Variants in LPAR6 observed in about 807,000 individuals in gnomAD.
LPAR6 encodes the protein G-protein coupled purinergic receptor P2Y5.
A neutral mutation model predicts 22.0 loss-of-function variants in LPAR6; 17 were observed. The observed-to-expected ratio is 0.77, with a 90% CI of 0.53 to 1.16. The LOEUF is 1.16. Ranked by LOEUF, LPAR6 falls within the 50% of genes most tolerant of loss-of-function variation. LPAR6 has a pLI of 0.00. For synonymous variants in LPAR6, 136 were observed against 139.8 expected, an observed-to-expected ratio of 0.97 and a Z score of 0.19; for missense variants, 384 against 406.9, an observed-to-expected ratio of 0.94 and a Z score of 0.48.
At chr13:48,426,769 ATGT>A (rs1949085411) in intron 1 of LPAR6, 1 of 151,916 alleles carries the variant, frequency 6.6e-6, no homozygotes, top group African/African-American at 2.4e-5. Context: ...TTTCTTACTG[ATGT>A]TGTGCTAGTT....
rs555293635 is a variant in LPAR6 at position 48,424,884 on chromosome 13, C to T, written c.-1095+1975G>A. 7.9e-5 allele frequency among the ~76,000 whole-genome samples: 12 copies of T among 152,082 alleles called. 1 individual carries two copies. In the South Asian group the frequency reaches 2.1e-3, roughly 26 times the overall value. On this transcript the variant is annotated intron_variant, in intron 1 of 4. Transcript: ENST00000345941. ...CCTGGCCAACATGGTGAAACTCTGT[C>T]TCTACTAAAAATACAAAATGTTATC...
chr13:48,426,522 C>A (rs1490755165), intron 1 of LPAR6: 1 of 152,178 alleles, frequency 6.6e-6, no homozygotes, highest in Non-Finnish European at 1.5e-5. Flanking sequence ...GTCTTAATAT[C>A]CTCTAATGTT....
chr13:48,421,955 G>A (rs1401577829), intron 2 of LPAR6, among the ~76,000 whole-genome samples: 2 of 152,176 alleles, frequency 1.3e-5, no homozygotes, highest in Non-Finnish European at 2.9e-5. Context: ...GGAAGACAGT[G>A]TGGCGATTCC....
exon 2 of LPAR6, chr13:48,389,774 C>G (rs1204461849): frequency 6.6e-6 from 1 of 152,220 alleles, no homozygotes; most frequent in Non-Finnish European, 1.5e-5. Flanking sequence ...CATCCTCCCT[C>G]CCTAGAGTGG....
At chr13:48,396,693 C>G (rs1269731361) in intron 1 of LPAR6, among the ~76,000 whole-genome samples, 1 of 152,180 alleles carries the variant, frequency 6.6e-6, no homozygotes, top group Non-Finnish European at 1.5e-5. Context: ...AAGAAACTAT[C>G]TTCAGAGTGA....
At chr13:48,439,478 T>TA (rs1157592429) in intron 1 of LPAR6, 1 of 152,170 alleles carries the variant, frequency 6.6e-6, no homozygotes, top group African/African-American at 2.4e-5. Flanking sequence ...TTACGGTTGT[T>TA]AATCTTCCTT....
At chr13:48,423,203 T>C (rs1267731275) in intron 1 of LPAR6, among the ~76,000 whole-genome samples, 1 of 152,200 alleles carries the variant, frequency 6.6e-6, no homozygotes, top group African/African-American at 2.4e-5. Context: ...TTTTTAAAAT[T>C]TAATGACATC....
At chr13:48,438,005 T>C (rs55816660) in intron 1 of LPAR6, among the ~76,000 whole-genome samples, 1,873 of 152,312 alleles carry the variant, frequency 0.012, 32 homozygotes, top group African/African-American at 0.042. Context: ...GGCTGCATCA[T>C]ATGTCAATAT....
In LPAR6 at chr13:48,412,096, T is replaced by TA. The variant is rs780539841; in HGVS notation, c.327dup (p.Ile110TyrfsTer2). 10 of 1,613,304 alleles carry TA rather than the reference T, an allele frequency of 6.2e-6. No individual in the cohort carries two copies. The highest frequency in any genetic ancestry group is 6.8e-6 in the Non-Finnish European group (8 of 1,179,664). Reference sequence around the variant, plus strand: ...ATTGCCAGAAATCGATCTACACTAATACAGGTTAAGAACAGAATGCTTCCG... The same window carrying TA: ...ATTGCCAGAAATCGATCTACACTAATAACAGGTTAAGAACAGAATGCTTCCG... On this transcript the variant is annotated frameshift_variant, in exon 1 of 1. Coordinates refer to ENST00000620633, the MANE Select transcript of LPAR6 (RefSeq NM_001162498.3). LOFTEE classifies it high-confidence loss of function.
intron 1 of LPAR6, chr13:48,389,827 T>C (rs542999241): frequency 6.6e-6 from 1 of 152,308 alleles, no homozygotes; most frequent in African/African-American, 2.4e-5. Flanking sequence ...AGAGAGAAGA[T>C]AGGAGATTCA....
chr13:48,412,116 C>T lies in LPAR6; in HGVS notation c.308G>A (p.Ser103Asn). ...ACTAATACAGGTTAAGAACAGAATG[C>T]TTCCGTACATGTTGGTATAAAACAG... ...VMLFYTNMYG[S>N]ILFLTCISVD... is the part of the protein sequence containing the mutation. The change falls in exon 1 of 1, where the codon AGC (serine) becomes AAC (asparagine). Residue 103 changes from serine to asparagine, a missense_variant. Coordinates refer to ENST00000620633, the MANE Select transcript of LPAR6 (RefSeq NM_001162498.3). The T allele has an allele frequency of 1.2e-6, 2 of 1,613,538 alleles. No individual in the cohort carries two copies. Among genetic ancestry groups the T allele is most frequent in the Non-Finnish European group, 1.7e-6 (2 of 1,179,796 alleles).
intron 1 of LPAR6, among the ~76,000 whole-genome samples, chr13:48,437,720 A>G (rs1949198694): frequency 6.6e-6 from 1 of 152,188 alleles, no homozygotes; most frequent in Non-Finnish European, 1.5e-5. Flanking sequence ...GAGATCCTAG[A>G]GAGGGAGAGA....
At chr13:48,392,981 A>G (rs147920295) in intron 1 of LPAR6, among the ~76,000 whole-genome samples, 1 of 152,024 alleles carries the variant, frequency 6.6e-6, no homozygotes, top group Non-Finnish European at 1.5e-5. Flanking sequence ...TTGTTTTTGG[A>G]CACAGAGCAG....
chr13:48,430,310 T>A (rs1486524878), upstream of LPAR6, among the ~76,000 whole-genome samples: 1 of 151,984 alleles, frequency 6.6e-6, no homozygotes, highest in African/African-American at 2.4e-5. Context: ...GGATAGCAAT[T>A]TGAAAAAAAG....
At position 48,411,782 on chromosome 13, in the gene LPAR6, A is replaced by G. The variant is rs1060587; in HGVS notation, c.642T>C (p.Pro214=). 6.2e-7 allele frequency: 1 copy of G among 1,611,478 alleles called. No homozygotes were observed. The highest frequency in any genetic ancestry group is 1.1e-5 in the South Asian group (1 of 90,994). The change falls in exon 1 of 1, where the codon CCT becomes CCC. Residue 214 remains proline, a synonymous_variant. Transcript: ENST00000620633. ...TTATTTTGCTTCTACTTAATGTAAC[A>G]GGTTTGGTTAAAGTTTTTAGCACCA... ...SSMVLKTLTK[P]VTLSRSKINK...
chr13:48,440,420 T>C (rs539700373), intron 1 of LPAR6, among the ~76,000 whole-genome samples: 2 of 152,308 alleles, frequency 1.3e-5, no homozygotes, highest in African/African-American at 4.8e-5. Flanking sequence ...TTGGGCCCTG[T>C]TAATTTTCAT....
chr13:48,408,718 A>G (rs1410996853), downstream of LPAR6: 1 of 152,136 alleles, frequency 6.6e-6, no homozygotes, highest in Admixed American at 6.5e-5. Context: ...GTTATCTGTT[A>G]TGTATTGCTT....
intron 2 of LPAR6, among the ~76,000 whole-genome samples, chr13:48,421,893 A>G (rs1364239692): frequency 1.3e-5 from 2 of 152,238 alleles, no homozygotes; most frequent in African/African-American, 4.8e-5. Context: ...GATGTGGAGA[A>G]TAGGAATGCT....
At chr13:48,444,141 C>T (rs1029081552) in intron 1 of LPAR6, among the ~76,000 whole-genome samples, 3 of 152,120 alleles carry the variant, frequency 2.0e-5, no homozygotes, top group African/African-American at 7.2e-5. Flanking sequence ...CCTAGGCCTC[C>T]AGAACTTCTG....
Sources: allele counts gnomAD v4.1 joint callset (sites outside exome capture counted in the v4.1 genomes callset), GRCh38; gene constraint gnomAD v4.1.1; transcripts MANE v1.5; gene names NCBI Gene and HGNC (gene_info 2026-07-23, HGNC 2026-07-21).